ADAP1: variants seen among roughly 807,000 people sequenced by gnomAD.
ADAP1 encodes arf-GAP with dual PH domain-containing protein 1.
A neutral mutation model predicts 54.9 loss-of-function variants in ADAP1; 31 were observed. That is an observed-to-expected ratio of 0.56 (90% CI 0.42 to 0.76). The LOEUF (loss-of-function observed/expected upper bound fraction) is 0.76. Ranked by LOEUF, ADAP1 falls within the 30% of genes least tolerant of loss-of-function variation. The pLI is 0.00. For synonymous variants in ADAP1, 313 were observed against 202.6 expected (o/e 1.55, Z -4.63); for missense variants, 535 against 512.4 (o/e 1.04, Z -0.42).
rs1234659764 is a variant in ADAP1, at chr7:920,342, C to T, written c.306-292G>A. 3.3e-5 allele frequency among the ~76,000 whole-genome samples: 5 copies of T among 152,158 alleles called. No individual in the cohort carries two copies. Among genetic ancestry groups the T allele is most frequent in the African/African-American group, 9.7e-5 (4 of 41,422 alleles). Reference sequence around the variant, plus strand: ...TGGACGGGCTGGTGCCTCCCCTCTCCTTCCCACCTTGGCCTCAGCTGATGC... The same window carrying T: ...TGGACGGGCTGGTGCCTCCCCTCTCTTTCCCACCTTGGCCTCAGCTGATGC... On this transcript the variant is annotated intron_variant, in intron 3 of 10. Coordinates refer to ENST00000265846, the MANE Select transcript of ADAP1 (RefSeq NM_006869.4). The surrounding 1 kb of genome is among the most constrained non-coding windows in gnomAD (Gnocchi z 4.5).
chr7:942,616 G>A (rs1846982990), intron 1 of ADAP1, among the ~76,000 whole-genome samples: 1 of 43,638 alleles, frequency 2.3e-5, no homozygotes, highest in Admixed American at 2.1e-4. Context: ...AGGAGGAAGG[G>A]AGAGAGGAGG....
intron 6 of ADAP1, chr7:901,005 G>C (rs926349936): frequency 2.1e-6 from 1 of 486,696 alleles, no homozygotes; most frequent in Admixed American, 2.3e-5. Context: ...TTTTTATGAA[G>C]ATCCTTATTT....
At chr7:898,982 C>T (rs199633045) in intron 10 of ADAP1, 33 bp from the exon 11 acceptor site, 47 of 1,609,996 alleles carry the variant, frequency 2.9e-5, no homozygotes, top group Admixed American at 1.0e-4. Flanking sequence ...GTTGTCACAG[C>T]GGCGGGGAGC....
chr7:929,959 C>T (rs1846514049), intron 2 of ADAP1, among the ~76,000 whole-genome samples: 1 of 151,696 alleles, frequency 6.6e-6, no homozygotes, highest in Non-Finnish European at 1.5e-5. Flanking sequence ...CAAAAATTAG[C>T]CAGGCGTGGT....
At chr7:931,079 G>C (rs1846562341) in intron 2 of ADAP1, among the ~76,000 whole-genome samples, 1 of 150,864 alleles carries the variant, frequency 6.6e-6, no homozygotes, top group African/African-American at 2.4e-5. Flanking sequence ...AGGAGGGAAG[G>C]AAGGACGGAA....
intron 6 of ADAP1, among the ~76,000 whole-genome samples, chr7:901,962 C>A (rs1018013817): frequency 1.3e-5 from 2 of 152,030 alleles, no homozygotes; most frequent in African/African-American, 4.8e-5. Context: ...GAGATGGAGC[C>A]GACTCTGGGG....
chr7:902,764 A>C (rs935780155), intron 6 of ADAP1, among the ~76,000 whole-genome samples: 7 of 144,064 alleles, frequency 4.9e-5, no homozygotes, highest in South Asian at 2.1e-4. Context: ...TACCCAGCAC[A>C]TGAAAAGACG....
intron 6 of ADAP1, 96 bp from the exon 7 acceptor site, chr7:900,712 C>G: frequency 9.3e-7 from 1 of 1,075,546 alleles, no homozygotes; most frequent in Non-Finnish European, 1.4e-6. Flanking sequence ...GCCGCTTCCC[C>G]CAGAGCCCAG....
intron 3 of ADAP1, among the ~76,000 whole-genome samples, chr7:924,198 G>A (rs1383923077): frequency 1.2e-5 from 1 of 80,380 alleles, no homozygotes; most frequent in African/African-American, 5.3e-5. Flanking sequence ...AGCAGTTCAC[G>A]CTGCACCCCC....
chr7:901,232 G>A, intron 6 of ADAP1: 2 of 355,830 alleles, frequency 5.6e-6, no homozygotes, highest in Non-Finnish European at 1.1e-5. Context: ...GTGCCCTCTG[G>A]GTCTAGACTT....
At chr7:953,627 G>A (rs1847319487) in intron 1 of ADAP1, among the ~76,000 whole-genome samples, 2 of 152,242 alleles carry the variant, frequency 1.3e-5, no homozygotes, top group Non-Finnish European at 1.5e-5. Flanking sequence ...GCCGGCCTGG[G>A]GCTGACAGCT....
chr7:914,786 G>A (rs868825092), intron 4 of ADAP1, among the ~76,000 whole-genome samples: 21 of 152,186 alleles, frequency 1.4e-4, no homozygotes, highest in Non-Finnish European at 7.3e-5. Context: ...CCCAGAGACA[G>A]CAGCCTGGAG....
At chr7:936,274 C>T (rs973683833) in intron 1 of ADAP1, among the ~76,000 whole-genome samples, 11 of 151,820 alleles carry the variant, frequency 7.2e-5, no homozygotes, top group African/African-American at 4.9e-5. Context: ...GATCTCGGCT[C>T]GCTGCAACCT....
intron 2 of ADAP1, among the ~76,000 whole-genome samples, chr7:929,461 G>C (rs533105497): frequency 6.7e-6 from 1 of 148,742 alleles, no homozygotes; most frequent in South Asian, 2.2e-4. Context: ...TGGGAGGATC[G>C]CTTGAGCCTG....
chr7:948,380 C>G (rs1847193671), intron 1 of ADAP1, among the ~76,000 whole-genome samples: 2 of 152,094 alleles, frequency 1.3e-5, no homozygotes, highest in South Asian at 4.2e-4. Context: ...CATGGTGGCC[C>G]GAGTTTCGGC....
At chr7:939,704 G>A (rs1458700685) in intron 1 of ADAP1, among the ~76,000 whole-genome samples, 1 of 151,846 alleles carries the variant, frequency 6.6e-6, no homozygotes, top group Non-Finnish European at 1.5e-5. Context: ...GGTGGCGGGT[G>A]CCTGTAATCC....
At chr7:933,029 C>T (rs1401211972) in intron 2 of ADAP1, among the ~76,000 whole-genome samples, 13 of 152,048 alleles carry the variant, frequency 8.5e-5, no homozygotes, top group Admixed American at 7.2e-4. Flanking sequence ...CCCAGCACTT[C>T]GGGAGGCTGA....
At chr7:917,777 T>G (rs1320122125) in intron 4 of ADAP1, among the ~76,000 whole-genome samples, 1 of 151,986 alleles carries the variant, frequency 6.6e-6, no homozygotes, top group South Asian at 2.1e-4. Flanking sequence ...CGATTCATCT[T>G]TTTTCTTGTT....
chr7:915,624 C>T (rs1296233925), intron 4 of ADAP1, among the ~76,000 whole-genome samples: 4 of 152,174 alleles, frequency 2.6e-5, no homozygotes, highest in Non-Finnish European at 5.9e-5. Context: ...TTTAGCTCAT[C>T]TCAAATGCTC....
Sources: gnomAD v4.1 joint callset for allele counts (sites outside exome capture counted in the v4.1 genomes callset) on GRCh38, gnomAD v4.1.1 for gene constraint, Gnocchi (gnomAD v3.1) non-coding constraint, MANE v1.5 for transcripts, NCBI Gene and HGNC (gene_info 2026-07-23, HGNC 2026-07-21) for gene names.